EPHB1: variants seen among roughly 807,000 people sequenced by gnomAD.
EPHB1 encodes EPH receptor B1.
A neutral mutation model predicts 94.4 loss-of-function variants in EPHB1; 30 were observed. The ratio of observed to expected loss-of-function variants is 0.32; its 90% CI spans 0.24 to 0.43. EPHB1 has a LOEUF of 0.43. EPHB1 is among the 20% of genes least tolerant of loss of function. EPHB1 has a pLI of 1.00. For synonymous variants in EPHB1, 522 were observed against 489.1 expected (o/e 1.07, Z -0.89); for missense variants, 1,055 against 1,308.3 (o/e 0.81, Z 2.99).
At chr3:134,928,942 A>G (rs1378883800) in intron 2 of EPHB1, among the ~76,000 whole-genome samples, 1 of 152,054 alleles carries the variant, frequency 6.6e-6, no homozygotes, top group Non-Finnish European at 1.5e-5. Flanking sequence ...TCTGCGTGTT[A>G]AACATTTCCA....
chr3:135,114,537 T>TAAAAAAAAAAAAAAAAA (rs56100882), intron 4 of EPHB1, among the ~76,000 whole-genome samples: 1 of 37,218 alleles, frequency 2.7e-5, no homozygotes, highest in Admixed American at 5.1e-4. Context: ...CTGTCTCTAC[T>TAAAAAAAAAAAAAAAAA]AAAAAAAAAA....
chr3:135,045,769 A>T (rs1356239694), intron 3 of EPHB1, among the ~76,000 whole-genome samples: 1 of 152,190 alleles, frequency 6.6e-6, no homozygotes, highest in Non-Finnish European at 1.5e-5. Context: ...GTATGATGTG[A>T]CCAAATCAAG....
intron 1 of EPHB1, among the ~76,000 whole-genome samples, chr3:134,874,229 A>T (rs2037567175): frequency 6.6e-6 from 1 of 152,248 alleles, no homozygotes; most frequent in Non-Finnish European, 1.5e-5. Flanking sequence ...ACATGGATGA[A>T]GCTGAAAGCC....
chr3:135,178,556 T>G (rs531287961), intron 9 of EPHB1, among the ~76,000 whole-genome samples: 75 of 152,130 alleles, frequency 4.9e-4, no homozygotes, highest in Non-Finnish European at 8.2e-4. Context: ...CTTGCCTGAA[T>G]TGGTGACCAA....
chr3:134,960,312 T>G (rs1228273555), intron 3 of EPHB1, among the ~76,000 whole-genome samples: 2 of 152,108 alleles, frequency 1.3e-5, no homozygotes, highest in Non-Finnish European at 1.5e-5. Flanking sequence ...CAAGCCTTAT[T>G]TTGCCAACAG....
intron 1 of EPHB1, among the ~76,000 whole-genome samples, chr3:134,880,990 C>T (rs548450098): frequency 1.3e-3 from 191 of 152,236 alleles, no homozygotes; most frequent in Non-Finnish European, 2.4e-3. Flanking sequence ...CTCACTGGAG[C>T]GGCACCATTT....
At chr3:134,956,738 ATATT>A (rs1933291593) in intron 3 of EPHB1, among the ~76,000 whole-genome samples, 1 of 152,204 alleles carries the variant, frequency 6.6e-6, no homozygotes, top group South Asian at 2.1e-4. Context: ...GGATATGAGA[ATATT>A]TTCTAAGCCA....
At chr3:134,945,152 A>G (rs1233488143) in intron 2 of EPHB1, among the ~76,000 whole-genome samples, 1 of 152,194 alleles carries the variant, frequency 6.6e-6, no homozygotes, top group Non-Finnish European at 1.5e-5. Context: ...TTAACACTTT[A>G]TCTGTGGTAA....
At chr3:135,111,690 T>C (rs10935154) in intron 4 of EPHB1, among the ~76,000 whole-genome samples, 70,445 of 151,560 alleles carry the variant, frequency 0.46, 17,291 homozygotes, top group East Asian at 0.67. Context: ...TTTTCACTCT[T>C]TTTTTTTGAG....
intron 1 of EPHB1, among the ~76,000 whole-genome samples, chr3:134,882,792 T>TTC (rs1247552065): frequency 1.9e-4 from 14 of 72,612 alleles, no homozygotes; most frequent in African/African-American, 5.9e-4. Flanking sequence ...CTTTCTTTCT[T>TTC]TCTTTCTTTC....
intron 7 of EPHB1, among the ~76,000 whole-genome samples, chr3:135,165,281 G>A (rs551729095): frequency 6.6e-6 from 1 of 152,282 alleles, no homozygotes; most frequent in African/African-American, 2.4e-5. Flanking sequence ...GGGTCAGAAG[G>A]ACTAAATCGT....
intron 1 of EPHB1, among the ~76,000 whole-genome samples, chr3:134,860,798 C>CAAAAAAAAAAAA (rs10666494): frequency 4.3e-5 from 4 of 93,722 alleles, no homozygotes; most frequent in Non-Finnish European, 7.7e-5. Context: ...GGCCAGGTGA[C>CAAAAAAAAAAAA]AAAAAAAAAA....
intron 4 of EPHB1, among the ~76,000 whole-genome samples, chr3:135,112,615 G>A (rs952786393): frequency 2.2e-5 from 3 of 138,764 alleles, no homozygotes; most frequent in African/African-American, 5.5e-5. Flanking sequence ...GTTCAATTCC[G>A]ACCTCTGAGT....
In EPHB1 at chr3:135,179,949, T is replaced by A; in HGVS notation, c.1849T>A (p.Ser617Thr). ...VREFAKEIDV[S>T]FVKIEEVIGA... ...GGAGTTTGCCAAGGAGATTGATGTA[T>A]CTTTTGTGAAAATTGAAGAGGTCAT... Residue 617 changes from serine to threonine, a missense_variant, in exon 10 of 16, where the codon TCT becomes ACT. By Grantham distance (58) the Ser-to-Thr change is moderately conservative. Transcript: ENST00000398015. 6.2e-7 allele frequency: 1 copy of A among 1,613,984 alleles called. No individual in the cohort carries two copies. The highest frequency in any genetic ancestry group is 8.5e-7 in the Non-Finnish European group (1 of 1,179,852).
intron 1 of EPHB1, among the ~76,000 whole-genome samples, chr3:134,831,506 T>C (rs1404085609): frequency 6.6e-6 from 1 of 152,246 alleles, no homozygotes; most frequent in South Asian, 2.1e-4. Context: ...AAAAAAGTAA[T>C]AGAAGTTTGC....
At chr3:134,798,773 C>G (rs1409845255) in intron 1 of EPHB1, among the ~76,000 whole-genome samples, 1 of 152,234 alleles carries the variant, frequency 6.6e-6, no homozygotes, top group East Asian at 1.9e-4. Context: ...CTTGCATTCT[C>G]TGAGCTGCGT....
intron 9 of EPHB1, among the ~76,000 whole-genome samples, chr3:135,168,319 T>A (rs2107700512): frequency 6.6e-6 from 1 of 152,300 alleles, no homozygotes; most frequent in African/African-American, 2.4e-5. Flanking sequence ...GCAGCCCAAG[T>A]GTGGGGGCCC....
intron 3 of EPHB1, among the ~76,000 whole-genome samples, chr3:135,086,282 G>T (rs1325923075): frequency 6.6e-6 from 1 of 150,514 alleles, no homozygotes; most frequent in African/African-American, 2.4e-5. Context: ...GATGGAGGAG[G>T]ACCAGAAGAG....
At chr3:135,220,263 C>G (rs563703847) in intron 12 of EPHB1, among the ~76,000 whole-genome samples, 2 of 152,252 alleles carry the variant, frequency 1.3e-5, no homozygotes, top group African/African-American at 4.8e-5. Context: ...AAAGGCTGCT[C>G]TGCGGATGCT....
Sources: allele counts gnomAD v4.1 joint callset (sites outside exome capture counted in the v4.1 genomes callset), GRCh38; gene constraint gnomAD v4.1.1; transcripts MANE v1.5; gene names NCBI Gene and HGNC (gene_info 2026-07-23, HGNC 2026-07-21).